CNTN5: variants seen among roughly 807,000 people sequenced by gnomAD.
CNTN5 encodes the protein contactin-5.
A neutral mutation model predicts 129.1 loss-of-function variants in CNTN5; 77 were observed. That is an observed-to-expected ratio of 0.60 (90% CI 0.50 to 0.72). The LOEUF (loss-of-function observed/expected upper bound fraction) is 0.72, where lower values mean the gene tolerates loss of function less well. Among genes scored for constraint, CNTN5 ranks in the 30% least tolerant of loss-of-function variants. The pLI is 0.00. For synonymous variants in CNTN5, 509 were observed against 465.6 expected (o/e 1.09, Z -1.20); for missense variants, 1,478 against 1,328.8 (o/e 1.11, Z -1.75).
intron 1 of CNTN5, among the ~76,000 whole-genome samples, chr11:99,308,483 A>G (rs905810006): frequency 6.6e-6 from 1 of 152,292 alleles, no homozygotes; most frequent in East Asian, 1.9e-4. Flanking sequence ...ATAAGGACTC[A>G]CATAAGTTTG....
intron 15 of CNTN5, among the ~76,000 whole-genome samples, chr11:100,200,052 CT>C (rs1426075143): frequency 2.3e-4 from 35 of 151,986 alleles, no homozygotes; most frequent in African/African-American, 8.4e-4. Flanking sequence ...TGTTTCCTTG[CT>C]TTTTTACTTT....
chr11:99,218,297 C>T (rs898777), intron 1 of CNTN5, among the ~76,000 whole-genome samples: 111,044 of 151,994 alleles, frequency 0.73, 40,908 homozygotes, highest in East Asian at 0.99. Flanking sequence ...CTCTTTTGAC[C>T]TCTAAATTTT....
intron 3 of CNTN5, among the ~76,000 whole-genome samples, chr11:99,802,363 G>A (rs1946140814): frequency 6.6e-6 from 1 of 152,142 alleles, no homozygotes. Flanking sequence ...AACTCTGGAG[G>A]GTAGGGGGAA....
In CNTN5 at chr11:100,193,514, A is replaced by T; in HGVS notation, c.1735A>T (p.Lys579Ter). ...ACCTACAAGGATAGAACTTACTCCT[A>T]AAAGAACAGAATTGACAGTGGGAGA... ...KEPTRIELTP[K>*]RTELTVGESI... The change falls in exon 15 of 25, where the codon AAA becomes TAA. Residue 579 changes from lysine (K) to a stop codon, truncating the protein, a stop_gained. Coordinates refer to ENST00000524871, the MANE Select transcript of CNTN5 (RefSeq NM_014361.4). LOFTEE classifies it high-confidence loss of function. The T allele has an allele frequency of 6.2e-7, 1 of 1,603,968 alleles. No individual in the cohort carries two copies. Among genetic ancestry groups the T allele is most frequent in the Non-Finnish European group, 8.5e-7 (1 of 1,174,478 alleles).
chr11:99,398,989 T>A (rs1941666572), intron 2 of CNTN5, among the ~76,000 whole-genome samples: 1 of 151,918 alleles, frequency 6.6e-6, no homozygotes, highest in Non-Finnish European at 1.5e-5. Flanking sequence ...CTTCATGTCC[T>A]CTCCAAATTC....
chr11:99,815,649 C>T (rs898283814), intron 3 of CNTN5, among the ~76,000 whole-genome samples: 44 of 152,134 alleles, frequency 2.9e-4, no homozygotes, highest in African/African-American at 1.1e-3. Flanking sequence ...AATCTGTGTG[C>T]AGTGCCCTGT....
intron 6 of CNTN5, among the ~76,000 whole-genome samples, chr11:99,863,360 T>A (rs1218262894): frequency 1.3e-5 from 2 of 152,042 alleles, no homozygotes. Flanking sequence ...GTAGGAGGAT[T>A]TGCCAGTCAC....
Position 99,195,409 on chromosome 11 carries a change from T to C in CNTN5, c.-209-129937T>C, listed in dbSNP as rs574022814. 7.2e-5 allele frequency among the ~76,000 whole-genome samples: 11 copies of C among 152,288 alleles called. 1 individual carries two copies. The South Asian group carries it at 1.7e-3, about 23-fold the overall frequency. ...TATACATGGTTTAAATGAGAGGATA[T>C]GGCGTCCTCTTTATTTTTCAAAATT... On this transcript the variant is annotated intron_variant, in intron 1 of 24. Transcript: ENST00000524871.
At chr11:99,567,376 T>C (rs1328879824) in intron 3 of CNTN5, among the ~76,000 whole-genome samples, 5 of 151,068 alleles carry the variant, frequency 3.3e-5, no homozygotes, top group Non-Finnish European at 5.9e-5. Context: ...ATTTTTTTTT[T>C]CTCTACTTTG....
intron 1 of CNTN5, among the ~76,000 whole-genome samples, chr11:99,210,717 G>A (rs941549100): frequency 1.3e-5 from 2 of 152,028 alleles, no homozygotes; most frequent in African/African-American, 4.8e-5. Flanking sequence ...CTATGTAAAT[G>A]TTATGTTTAG....
chr11:99,481,712 TC>T (rs1018405190), intron 2 of CNTN5, among the ~76,000 whole-genome samples: 4 of 152,264 alleles, frequency 2.6e-5, no homozygotes, highest in Admixed American at 2.6e-4. Context: ...CCACCTTACT[TC>T]CCCACCTGAA....
intron 2 of CNTN5, among the ~76,000 whole-genome samples, chr11:99,403,779 G>C (rs1941942060): frequency 6.6e-6 from 1 of 151,988 alleles, no homozygotes; most frequent in African/African-American, 2.4e-5. Context: ...TTAACATATG[G>C]GCTGTCCTTG....
At chr11:100,000,816 G>A (rs1027754594) in intron 8 of CNTN5, among the ~76,000 whole-genome samples, 2 of 152,190 alleles carry the variant, frequency 1.3e-5, no homozygotes, top group Admixed American at 1.3e-4. Context: ...CTGCACATAT[G>A]TAGGCCCAAC....
chr11:99,834,386 C>T (rs1160751488), intron 4 of CNTN5, among the ~76,000 whole-genome samples: 1 of 152,106 alleles, frequency 6.6e-6, no homozygotes, highest in East Asian at 1.9e-4. Flanking sequence ...TTAGGCTGGG[C>T]ACAGTGGCTT....
At chr11:99,034,966 T>C (rs199596599) in intron 1 of CNTN5, among the ~76,000 whole-genome samples, 1 of 149,546 alleles carries the variant, frequency 6.7e-6, no homozygotes, top group African/African-American at 2.5e-5. Context: ...TCTGGTATGT[T>C]GTGTCTTTGT....
chr11:99,993,662 T>C (rs1030937889), intron 8 of CNTN5, among the ~76,000 whole-genome samples: 1 of 152,100 alleles, frequency 6.6e-6, no homozygotes, highest in African/African-American at 2.4e-5. Flanking sequence ...TAATGCTCAC[T>C]TACCGGCCTC....
Position 99,038,339 on chromosome 11 carries a change from TA to T in CNTN5, c.-210+17071del, listed in dbSNP as rs533245533. 7.9e-4 allele frequency among the ~76,000 whole-genome samples: 120 copies of T among 152,346 alleles called. 1 individual carries two copies. The highest frequency in any genetic ancestry group is 2.7e-3 in the African/African-American group (111 of 41,590). On this transcript the variant is annotated intron_variant, in intron 1 of 24. Transcript: ENST00000524871. Reference sequence around the variant, plus strand: ...TATAAGATACACATTGATGTTTTGATAACATCATTGATGTTACATATACTGT... The same window carrying T: ...TATAAGATACACATTGATGTTTTGATACATCATTGATGTTACATATACTGT...
intron 2 of CNTN5, among the ~76,000 whole-genome samples, chr11:99,449,205 T>A (rs2135183420): frequency 6.6e-6 from 1 of 152,338 alleles, no homozygotes; most frequent in African/African-American, 2.4e-5. Context: ...CAATAAACTT[T>A]TTAACTCGTT....
At chr11:99,808,685 A>C (rs1319553922) in intron 3 of CNTN5, among the ~76,000 whole-genome samples, 1 of 152,220 alleles carries the variant, frequency 6.6e-6, no homozygotes, top group African/African-American at 2.4e-5. Context: ...AATAAAAACC[A>C]TAAACATATT....
Sources: gnomAD v4.1 joint callset for allele counts (sites outside exome capture counted in the v4.1 genomes callset) on GRCh38, gnomAD v4.1.1 for gene constraint, MANE v1.5 for transcripts, NCBI Gene and HGNC (gene_info 2026-07-23, HGNC 2026-07-21) for gene names.